ANXA6: variants seen among roughly 807,000 people sequenced by gnomAD.
ANXA6 encodes annexin A6.
ANXA6 carries 71 observed loss-of-function variants against 95.4 expected under a neutral mutation model. The ratio of observed to expected loss-of-function variants is 0.74; its 90% CI spans 0.61 to 0.91. ANXA6 has a LOEUF of 0.91. ANXA6 is among the 40% of genes least tolerant of loss of function. ANXA6 has a pLI of 0.00. For missense variants in ANXA6, 830 were observed against 876.4 expected (o/e 0.95, Z 0.67); for synonymous variants, 289 against 315.9 (o/e 0.91, Z 0.90).
At chr5:151,142,376 G>A (rs1582014953) in intron 2 of ANXA6, among the ~76,000 whole-genome samples, 1 of 152,130 alleles carries the variant, frequency 6.6e-6, no homozygotes, top group Non-Finnish European at 1.5e-5. Flanking sequence ...TACTCAGGAG[G>A]CTGGGTCAGG....
intron 12 of ANXA6, among the ~76,000 whole-genome samples, chr5:151,128,793 T>G (rs1338714639): frequency 2.6e-5 from 4 of 152,248 alleles, no homozygotes; most frequent in African/African-American, 7.2e-5. Context: ...ACTGGCTTAT[T>G]TATCTTTGCT....
chr5:151,126,974 C>G (rs1765343286), intron 13 of ANXA6, among the ~76,000 whole-genome samples: 1 of 152,234 alleles, frequency 6.6e-6, no homozygotes, highest in Non-Finnish European at 1.5e-5. Context: ...GCCTCAGCCT[C>G]CCAAAGTGCT....
At position 151,131,772 on chromosome 5, in the gene ANXA6, TAC is replaced by T. The variant is rs1169224494; in HGVS notation, c.737-485_737-484del. ...GGAGCTGCAGGTTTCCCCCAAGAAA[TAC>T]AAACACACAACATATCCCTGACTCA... On this transcript the variant is annotated intron_variant, in intron 10 of 25. Coordinates refer to ENST00000354546, the MANE Select transcript of ANXA6 (RefSeq NM_001155.5). 3.3e-5 allele frequency among the ~76,000 whole-genome samples: 5 copies of T among 152,116 alleles called. No homozygotes were observed. In the South Asian group the frequency reaches 1.0e-3, roughly 32 times the overall value.
intron 13 of ANXA6, 62 bp from the exon 14 acceptor site, chr5:151,126,542 C>A (rs1407812495): frequency 6.3e-6 from 6 of 957,726 alleles, no homozygotes; most frequent in South Asian, 1.5e-5. Flanking sequence ...ACACTCACAC[C>A]AACACACACA....
At position 151,137,213 on chromosome 5, in the gene ANXA6, C is replaced by T. The variant is rs9324678; in HGVS notation, c.409+18G>A. The T allele has an allele frequency of 5.5e-3, 8,813 of 1,609,570 alleles. 438 individuals are homozygous for T. The African/African-American group carries it at 0.1, about 19-fold the overall frequency. On this transcript the variant is annotated intron_variant, in intron 6 of 25. Coordinates refer to ENST00000354546, the MANE Select transcript of ANXA6 (RefSeq NM_001155.5). ...TTTGTATCTGAAGATCCTAAGCGGC[C>T]CCTCCTGCCCATCTCACCATCTTTG...
intron 11 of ANXA6, 54 bp downstream of exon 11, chr5:151,131,177 A>G (rs749619842): frequency 8.8e-6 from 14 of 1,584,362 alleles, no homozygotes; most frequent in Non-Finnish European, 1.2e-5. Context: ...GACTTGTCAA[A>G]GACTCCCAAT....
intron 24 of ANXA6, among the ~76,000 whole-genome samples, chr5:151,104,725 C>T (rs1581973868): frequency 2.0e-5 from 3 of 152,288 alleles, no homozygotes; most frequent in Admixed American, 2.0e-4. Context: ...GTGGCTTGGG[C>T]TCTCCCAGAA....
At chr5:151,122,739 G>A (rs760422603) in intron 16 of ANXA6, among the ~76,000 whole-genome samples, 178 bp downstream of exon 16, 13 of 152,178 alleles carry the variant, frequency 8.5e-5, no homozygotes, top group Non-Finnish European at 1.6e-4. Flanking sequence ...CTGGGGGCAT[G>A]GAAAGATATG....
chr5:151,152,383 G>A (rs910127716), intron 1 of ANXA6, among the ~76,000 whole-genome samples: 1 of 152,184 alleles, frequency 6.6e-6, no homozygotes, highest in Non-Finnish European at 1.5e-5. Flanking sequence ...ATTTGTGGTC[G>A]ATGCCCAAGT....
At chr5:151,128,396 G>C (rs1465330347) in intron 12 of ANXA6, 157 bp from the exon 13 acceptor site, 2 of 628,522 alleles carry the variant, frequency 3.2e-6, no homozygotes, top group South Asian at 1.9e-5. Context: ...TTGAATAACT[G>C]GTTCTCAGCG....
At chr5:151,135,147 A>G (rs1231639754) in intron 7 of ANXA6, among the ~76,000 whole-genome samples, 1 of 152,174 alleles carries the variant, frequency 6.6e-6, no homozygotes, top group South Asian at 2.1e-4. Context: ...GGAGAGGTCT[A>G]TGGCCATCCC....
chr5:151,155,956 C>CT (rs2113965979), intron 1 of ANXA6, among the ~76,000 whole-genome samples: 1 of 152,350 alleles, frequency 6.6e-6, no homozygotes, highest in East Asian at 1.9e-4. Context: ...GCACTGCAGT[C>CT]TCCCCCACTT....
At chr5:151,144,780 C>T (rs1253852790) in intron 2 of ANXA6, among the ~76,000 whole-genome samples, 1 of 152,128 alleles carries the variant, frequency 6.6e-6, no homozygotes, top group Non-Finnish European at 1.5e-5. Context: ...CTGCACAGTT[C>T]TTTGCACGGG....
At position 151,128,303 on chromosome 5, in the gene ANXA6, G is replaced by A; in HGVS notation, c.919-64C>T. The stretch of plus-strand genomic sequence containing the variant: ...CTGGGCTCCTCTCAGACAAGGAGGT[G>A]AAGGTTCTGCACAGCCTGAAAGAGG... On this transcript the variant is annotated intron_variant, in intron 12 of 25. Coordinates refer to ENST00000354546, the MANE Select transcript of ANXA6 (RefSeq NM_001155.5). 5 of 1,410,372 alleles carry A rather than the reference G, an allele frequency of 3.5e-6. 1 individual carries two copies. The highest frequency in any genetic ancestry group is 4.8e-5 in the East Asian group (2 of 41,418). The allele number at this position is 1,410,372 out of a possible 1,614,324, so 87.4% of individuals were successfully genotyped here.
chr5:151,129,853 G>A (rs1561577488), intron 11 of ANXA6, among the ~76,000 whole-genome samples: 1 of 152,122 alleles, frequency 6.6e-6, no homozygotes, highest in Non-Finnish European at 1.5e-5. Flanking sequence ...TGGGAGTACA[G>A]GTACCCACCA....
chr5:151,116,537 G>A (rs917191467), intron 20 of ANXA6, among the ~76,000 whole-genome samples: 2 of 152,246 alleles, frequency 1.3e-5, no homozygotes, highest in African/African-American at 2.4e-5. Flanking sequence ...GGCTGAGGCA[G>A]AGCAGCCAAG....
At chr5:151,153,197 C>T (rs1046986712) in intron 1 of ANXA6, among the ~76,000 whole-genome samples, 3 of 152,184 alleles carry the variant, frequency 2.0e-5, no homozygotes, top group Non-Finnish European at 4.4e-5. Flanking sequence ...ACCAGGAACG[C>T]CTTCCACCAA....
intron 10 of ANXA6, 49 bp from the exon 11 acceptor site, chr5:151,131,338 G>T: frequency 1.3e-6 from 2 of 1,583,496 alleles, no homozygotes; most frequent in East Asian, 2.2e-5. Context: ...CCTCAGAAGG[G>T]GGATGGGATG....
chr5:151,152,587 AATC>A (rs1766134935), intron 1 of ANXA6, among the ~76,000 whole-genome samples: 1 of 152,226 alleles, frequency 6.6e-6, no homozygotes, highest in Non-Finnish European at 1.5e-5. Context: ...CTGTTGCCAC[AATC>A]ATCATTATTA....
Sources: gnomAD v4.1 joint callset for allele counts (sites outside exome capture counted in the v4.1 genomes callset) on GRCh38, gnomAD v4.1.1 for gene constraint, MANE v1.5 for transcripts, NCBI Gene and HGNC (gene_info 2026-07-23, HGNC 2026-07-21) for gene names.